GDPD4: variants seen among roughly 807,000 people sequenced by gnomAD.
GDPD4 encodes the protein glycerophosphodiester phosphodiesterase 6.
In GDPD4, 60 loss-of-function variants were observed where a neutral mutation model predicts 67.8. The ratio of observed to expected loss-of-function variants is 0.88; its 90% CI spans 0.72 to 1.10. The LOEUF (loss-of-function observed/expected upper bound fraction) is 1.10. GDPD4 is among the 50% of genes least tolerant of loss of function. GDPD4 has a pLI of 0.00. For synonymous variants in GDPD4, 212 were observed against 210.9 expected, an observed-to-expected ratio of 1.00 and a Z score of -0.04; for missense variants, 623 against 613.9, an observed-to-expected ratio of 1.01 and a Z score of -0.16.
In GDPD4 at chr11:77,287,362, T is replaced by C. The variant is rs1960039454; in HGVS notation, c.-195A>G. 6.6e-6 allele frequency: 1 copy of C among 152,272 alleles called. No individual in the cohort carries two copies. Among genetic ancestry groups the C allele is most frequent in the Non-Finnish European group, 1.5e-5 (1 of 68,056 alleles). 9.4% of individuals were successfully genotyped at this position (152,272 alleles called of 1,614,324 possible). A position where few individuals can be genotyped will look rare whatever the true frequency, so the allele number is the denominator to read the frequency against. On this transcript the variant is annotated 5_prime_UTR_variant, in exon 2 of 17. Transcript: ENST00000315938. Reference sequence around the variant, plus strand: ...ATGGATTAAGCTTTTTTGGTTTTTCTGTCTTATTCCTCTTGTGCTCAATCC... The same window carrying C: ...ATGGATTAAGCTTTTTTGGTTTTTCCGTCTTATTCCTCTTGTGCTCAATCC...
chr11:77,232,907 T>C (rs1479620784), intron 14 of GDPD4, 118 bp downstream of exon 14: 19 of 803,010 alleles, frequency 2.4e-5, no homozygotes, highest in South Asian at 1.4e-4. Flanking sequence ...CCAATATTCA[T>C]AGAAGTCTGT....
In GDPD4 at chr11:77,243,675, G is replaced by C; in HGVS notation, c.1241+19C>G. The C allele has an allele frequency of 3.8e-6, 6 of 1,598,372 alleles. No individual in the cohort carries two copies. The highest frequency in any genetic ancestry group is 5.1e-6 in the Non-Finnish European group (6 of 1,166,122). On this transcript the variant is annotated intron_variant, in intron 13 of 16. Transcript: ENST00000315938. ...AAGTAAGGCAATATGTGCCAAGAGAGGTGTGGTCAAACACTTACCTTAACC... is the reference window on the plus strand; with the variant it reads ...AAGTAAGGCAATATGTGCCAAGAGACGTGTGGTCAAACACTTACCTTAACC...
chr11:77,299,196 C>T (rs751484832), intron 1 of GDPD4, among the ~76,000 whole-genome samples: 2 of 152,190 alleles, frequency 1.3e-5, no homozygotes, highest in Non-Finnish European at 2.9e-5. Flanking sequence ...AGCTTCTCAC[C>T]AGCCCCATAG....
chr11:77,224,934 TCTAC>T (rs1565505240), intron 16 of GDPD4, among the ~76,000 whole-genome samples: 1 of 149,098 alleles, frequency 6.7e-6, no homozygotes, highest in African/African-American at 2.5e-5. Flanking sequence ...AGATGCCATC[TCTAC>T]CTTTTTTTTT....
At chr11:77,293,471 T>G (rs568832925) in intron 1 of GDPD4, among the ~76,000 whole-genome samples, 2 of 152,122 alleles carry the variant, frequency 1.3e-5, no homozygotes, top group Admixed American at 1.3e-4. Context: ...GGCACATCCC[T>G]GTAGTCCCAG....
chr11:77,298,831 ATTT>A (rs200071388), intron 1 of GDPD4, among the ~76,000 whole-genome samples: 4 of 151,896 alleles, frequency 2.6e-5, no homozygotes, highest in Admixed American at 6.6e-5. Flanking sequence ...GGGGTAAAAT[ATTT>A]TTTTCTTTTT....
rs1294211054 is a variant in GDPD4 at position 77,286,386 on chromosome 11, C to T, written c.-51+832G>A. On this transcript the variant is annotated intron_variant, in intron 2 of 16. Coordinates refer to ENST00000315938, the MANE Select transcript of GDPD4 (RefSeq NM_182833.3). Reference sequence around the variant, plus strand: ...GAATTCCTTGAGAGCAGGAACCATGCCTGAAGCACTTGTATTATCCCCAGT... The same window carrying T: ...GAATTCCTTGAGAGCAGGAACCATGTCTGAAGCACTTGTATTATCCCCAGT... Among the ~76,000 whole-genome samples, 4 of 152,142 alleles carry T rather than the reference C, an allele frequency of 2.6e-5. No individual in the cohort carries two copies. The East Asian group carries it at 7.7e-4, about 29-fold the overall frequency.
intron 11 of GDPD4, among the ~76,000 whole-genome samples, chr11:77,257,663 T>C (rs1299737401): frequency 1.3e-5 from 2 of 151,854 alleles, no homozygotes. Flanking sequence ...GGTAATGATC[T>C]TCCCTCAGCT....
chr11:77,246,431 T>A (rs1464204576), intron 11 of GDPD4, among the ~76,000 whole-genome samples: 2 of 152,030 alleles, frequency 1.3e-5, no homozygotes, highest in Admixed American at 1.3e-4. Context: ...GAGAAGAAAC[T>A]AAAATTATTA....
intron 13 of GDPD4, among the ~76,000 whole-genome samples, chr11:77,235,731 G>A (rs777635338): frequency 2.1e-4 from 32 of 152,216 alleles, no homozygotes; most frequent in Non-Finnish European, 5.9e-5. Context: ...AAGGCAGGAG[G>A]ATGGCTTGAG....
intron 8 of GDPD4, 149 bp from the exon 9 acceptor site, chr11:77,269,218 C>T: frequency 1.5e-6 from 1 of 674,354 alleles, no homozygotes; most frequent in Non-Finnish European, 2.5e-6. Flanking sequence ...ATTTCTGTGA[C>T]ATTTCCACTT....
chr11:77,218,412 T>C (rs1244999343), intron 16 of GDPD4, among the ~76,000 whole-genome samples: 1 of 152,204 alleles, frequency 6.6e-6, no homozygotes. Context: ...TATTATACTT[T>C]AAGTTCTAGG....
intron 10 of GDPD4, among the ~76,000 whole-genome samples, chr11:77,264,838 T>C (rs548023712): frequency 1.1e-4 from 16 of 152,206 alleles, no homozygotes; most frequent in African/African-American, 3.4e-4. Flanking sequence ...CTTTGGCATA[T>C]TGATTATTTT....
Position 77,217,421 on chromosome 11 carries a change from T to G in GDPD4, c.1526-107A>C, listed in dbSNP as rs1958145973. ...TTAAATGTTAGCCACTCCCTTACCC[T>G]TTCAGGTTCTTTCCTCCAAGCTCTC... is the stretch of plus-strand genomic sequence containing the variant. On this transcript the variant is annotated intron_variant, in intron 16 of 16. Transcript: ENST00000315938. The G allele has an allele frequency of 8.9e-6, 8 of 903,680 alleles. No individual in the cohort carries two copies. The East Asian group carries it at 1.9e-4, about 22-fold the overall frequency. 56.0% of individuals were successfully genotyped at this position (903,680 alleles called of 1,614,324 possible). A position where few individuals can be genotyped will look rare whatever the true frequency, so the allele number is the denominator to read the frequency against.
chr11:77,295,989 C>T (rs964160868), intron 1 of GDPD4, among the ~76,000 whole-genome samples: 3 of 151,814 alleles, frequency 2.0e-5, no homozygotes, highest in Admixed American at 2.0e-4. Flanking sequence ...CGGTGGCTCA[C>T]GCCTGTAATC....
intron 1 of GDPD4, among the ~76,000 whole-genome samples, chr11:77,292,996 C>T (rs571164393): frequency 6.6e-6 from 1 of 152,062 alleles, no homozygotes; most frequent in South Asian, 2.1e-4. Flanking sequence ...GTTAAACAAG[C>T]CTTCCCATCA....
At chr11:77,240,914 T>A (rs1451839774) in intron 13 of GDPD4, among the ~76,000 whole-genome samples, 1 of 152,010 alleles carries the variant, frequency 6.6e-6, no homozygotes, top group African/African-American at 2.4e-5. Context: ...ACAAAAAAGA[T>A]GAGAGATAGT....
chr11:77,264,356 T>A (rs1959167773), intron 10 of GDPD4, among the ~76,000 whole-genome samples: 1 of 152,152 alleles, frequency 6.6e-6, no homozygotes. Context: ...ATGAGCACTA[T>A]CAAATTCACT....
chr11:77,263,859 TC>T (rs1565530608), intron 10 of GDPD4, among the ~76,000 whole-genome samples: 2 of 152,150 alleles, frequency 1.3e-5, no homozygotes, highest in Admixed American at 6.6e-5. Context: ...TACATTTATT[TC>T]CCTTAAAAAG....
Sources: gnomAD v4.1 joint callset for allele counts (sites outside exome capture counted in the v4.1 genomes callset) on GRCh38, gnomAD v4.1.1 for gene constraint, MANE v1.5 for transcripts, NCBI Gene and HGNC (gene_info 2026-07-23, HGNC 2026-07-21) for gene names.